Variants in PTPRM observed in about 807,000 individuals in gnomAD.
PTPRM encodes receptor-type tyrosine-protein phosphatase mu.
A neutral mutation model predicts 186.7 loss-of-function variants in PTPRM; 47 were observed. The observed-to-expected ratio is 0.25, with a 90% confidence interval of 0.20 to 0.32. The LOEUF is 0.32. Ranked by LOEUF, PTPRM falls within the 10% of genes least tolerant of loss-of-function variation. PTPRM has a pLI of 1.00. For missense variants in PTPRM, 1,494 were observed against 1,865.0 expected, an observed-to-expected ratio of 0.80 and a Z score of 3.66; for synonymous variants, 668 against 674.9, an observed-to-expected ratio of 0.99 and a Z score of 0.16.
At chr18:8,199,486 A>G (rs146061110) in intron 14 of PTPRM, among the ~76,000 whole-genome samples, 2 of 152,338 alleles carry the variant, frequency 1.3e-5, no homozygotes, top group African/African-American at 4.8e-5. Flanking sequence ...TATTAGTAGG[A>G]GACACCTAAG....
intron 19 of PTPRM, among the ~76,000 whole-genome samples, chr18:8,253,972 C>T (rs1393005037): frequency 6.6e-6 from 1 of 152,068 alleles, no homozygotes; most frequent in Non-Finnish European, 1.5e-5. Flanking sequence ...TCATGTCTCC[C>T]TCCCCATTCT....
chr18:7,587,958 G>T (rs753826686), intron 1 of PTPRM, among the ~76,000 whole-genome samples: 2 of 152,106 alleles, frequency 1.3e-5, no homozygotes, highest in Non-Finnish European at 2.9e-5. Context: ...ATGGTAAAAA[G>T]AAATGATATG....
chr18:7,951,500 T>C (rs8092268), intron 6 of PTPRM, among the ~76,000 whole-genome samples: 6,205 of 152,248 alleles, frequency 0.041, 292 homozygotes, highest in African/African-American at 0.12. Context: ...CTAGTCTACC[T>C]GAACAAACAT....
chr18:8,134,038 A>C (rs17397841), intron 13 of PTPRM, among the ~76,000 whole-genome samples: 7,125 of 152,242 alleles, frequency 0.047, 228 homozygotes, highest in Middle Eastern at 0.18. Context: ...GTCAGATGAC[A>C]ATTCTTTAAC....
At chr18:7,705,675 AT>A (rs11288267) in intron 1 of PTPRM, among the ~76,000 whole-genome samples, 2,839 of 151,490 alleles carry the variant, frequency 0.019, 82 homozygotes, top group East Asian at 0.1. Flanking sequence ...ATTAAGATGA[AT>A]TTCTTTCTTT....
At chr18:8,332,921 G>A (rs2148175360) in intron 22 of PTPRM, among the ~76,000 whole-genome samples, 1 of 152,264 alleles carries the variant, frequency 6.6e-6, no homozygotes, top group South Asian at 2.1e-4. Flanking sequence ...AAATTCCAGT[G>A]GACCAGTGAA....
chr18:8,082,886 C>T (rs956267559), intron 9 of PTPRM, among the ~76,000 whole-genome samples: 3 of 152,088 alleles, frequency 2.0e-5, no homozygotes, highest in African/African-American at 7.2e-5. Flanking sequence ...AATTTCTCCT[C>T]ATATGTTCCA....
intron 19 of PTPRM, among the ~76,000 whole-genome samples, chr18:8,264,774 C>CAA (rs577367071): frequency 1.6e-4 from 16 of 100,036 alleles, no homozygotes; most frequent in East Asian, 6.1e-4. Flanking sequence ...GACTCCATCT[C>CAA]AAAAAAAAAA....
intron 31 of PTPRM, among the ~76,000 whole-genome samples, chr18:8,391,797 G>A (rs1487826388): frequency 6.6e-6 from 1 of 152,214 alleles, no homozygotes; most frequent in Non-Finnish European, 1.5e-5. Context: ...ATCCGAACAC[G>A]ATGATCTCTC....
At chr18:8,288,308 C>A (rs2094980396) in intron 19 of PTPRM, among the ~76,000 whole-genome samples, 1 of 152,184 alleles carries the variant, frequency 6.6e-6, no homozygotes, top group South Asian at 2.1e-4. Context: ...AGAGCTTCAT[C>A]ATTGGCAACA....
intron 14 of PTPRM, among the ~76,000 whole-genome samples, chr18:8,240,239 T>C (rs1234460060): frequency 6.6e-6 from 1 of 152,072 alleles, no homozygotes; most frequent in Non-Finnish European, 1.5e-5. Context: ...ACAAAAGCAT[T>C]TGACCTGTAC....
chr18:7,932,329 A>G (rs1253631887), intron 5 of PTPRM, among the ~76,000 whole-genome samples: 2 of 152,204 alleles, frequency 1.3e-5, no homozygotes, highest in African/African-American at 4.8e-5. Context: ...ACTTTTTAAA[A>G]TTACACAATT....
intron 2 of PTPRM, among the ~76,000 whole-genome samples, chr18:7,808,166 A>G (rs2044328823): frequency 6.6e-6 from 1 of 152,168 alleles, no homozygotes; most frequent in African/African-American, 2.4e-5. Context: ...TCTCTATTTC[A>G]TCAAATCTGT....
chr18:8,260,232 T>G (rs940027205), intron 19 of PTPRM, among the ~76,000 whole-genome samples: 4 of 152,190 alleles, frequency 2.6e-5, no homozygotes, highest in African/African-American at 9.6e-5. Context: ...GGTGTAATCA[T>G]AGCTTACTAC....
chr18:7,764,910 A>G (rs546825398), intron 1 of PTPRM, among the ~76,000 whole-genome samples: 8 of 152,140 alleles, frequency 5.3e-5, no homozygotes, highest in African/African-American at 9.7e-5. Context: ...CGTTTTCACT[A>G]TTGTGGTATA....
intron 2 of PTPRM, among the ~76,000 whole-genome samples, chr18:7,823,622 G>A (rs1171454932): frequency 6.6e-6 from 1 of 152,142 alleles, no homozygotes; most frequent in Admixed American, 6.5e-5. Flanking sequence ...GAAGTTGGAA[G>A]GAGCAGACTT....
intron 14 of PTPRM, among the ~76,000 whole-genome samples, chr18:8,208,953 G>A (rs8094252): frequency 0.34 from 51,242 of 152,100 alleles, 9,178 homozygotes; most frequent in Middle Eastern, 0.52. Flanking sequence ...GGGACAGCAA[G>A]GAGTCCTTGT....
chr18:7,626,027 A>C (rs1020702046), intron 1 of PTPRM, among the ~76,000 whole-genome samples: 1 of 152,190 alleles, frequency 6.6e-6, no homozygotes, highest in Non-Finnish European at 1.5e-5. Context: ...ATATAGAGAA[A>C]ATACTTCCTA....
At chr18:7,689,167 A>C (rs1323418179) in intron 1 of PTPRM, among the ~76,000 whole-genome samples, 1 of 152,220 alleles carries the variant, frequency 6.6e-6, no homozygotes, top group African/African-American at 2.4e-5. Context: ...ACTGGGATTC[A>C]TGGAAGAAAG....
Sources: allele counts gnomAD v4.1 joint callset (sites outside exome capture counted in the v4.1 genomes callset), GRCh38; gene constraint gnomAD v4.1.1; transcripts MANE v1.5; gene names NCBI Gene and HGNC (gene_info 2026-07-23, HGNC 2026-07-21).